The following PRICKLE4 variants were observed in gnomAD, a reference collection of about 807,000 sequenced individuals.
PRICKLE4 encodes the protein prickle-like protein 4.
PRICKLE4 carries 40 observed loss-of-function variants against 43.5 expected under a neutral mutation model. That is an observed-to-expected ratio of 0.92 (90% CI 0.71 to 1.20). The LOEUF (loss-of-function observed/expected upper bound fraction) is 1.20, where lower values mean the gene tolerates loss of function less well. Ranked by LOEUF, PRICKLE4 falls within the 50% of genes most tolerant of loss-of-function variation. PRICKLE4 has a pLI of 0.00. For synonymous variants in PRICKLE4, 208 were observed against 197.4 expected (o/e 1.05, Z -0.45); for missense variants, 527 against 491.2 (o/e 1.07, Z -0.69).
chr6:41,784,151 G>A lies in PRICKLE4; in HGVS notation c.153G>A (p.Leu51=). The stretch of plus-strand genomic sequence containing the variant: ...CTCAGGGTCCTGCAGTTCTGAGCTT[G>A]GGTTCCCTTTGCCTGGACACCAACC... ...THAQGPAVLS[L]GSLCLDTNQA... is the part of the protein sequence containing the mutation. The change falls in exon 4 of 8, where the codon TTG becomes TTA. Residue 51 remains leucine (L), a synonymous_variant. Transcript: ENST00000458694. 1.9e-6 allele frequency: 3 copies of A among 1,613,950 alleles called. No homozygotes were observed. Among genetic ancestry groups the A allele is most frequent in the Non-Finnish European group, 2.5e-6 (3 of 1,179,898 alleles).
intron 2 of PRICKLE4, 68 bp from the exon 3 acceptor site, chr6:41,783,394 G>C (rs1238360232): frequency 2.9e-6 from 4 of 1,390,604 alleles, no homozygotes; most frequent in Non-Finnish European, 3.9e-6. Context: ...TATCTATAAA[G>C]CACTTAACAC....
At chr6:41,786,001 T>C in intron 6 of PRICKLE4, 127 bp from the exon 7 acceptor site, 10 of 1,056,376 alleles carry the variant, frequency 9.5e-6, no homozygotes, top group Middle Eastern at 4.1e-4. Flanking sequence ...CAAAAGTGGC[T>C]GAGTGAATTA....
chr6:41,784,015 G>C, intron 3 of PRICKLE4, 116 bp from the exon 4 acceptor site: 1 of 755,174 alleles, frequency 1.3e-6, no homozygotes, highest in Non-Finnish European at 2.2e-6. Context: ...CCCAAATGGA[G>C]GGCATGCTTA....
chr6:41,786,672 G>T, intron 7 of PRICKLE4, 90 bp from the exon 8 acceptor site: 1 of 1,589,722 alleles, frequency 6.3e-7, no homozygotes, highest in East Asian at 2.3e-5. Flanking sequence ...GGCTGGGCGG[G>T]GCGGGAGGCT....
Position 41,785,449 on chromosome 6 carries a change from T to G in PRICKLE4, c.491T>G (p.Ile164Arg), listed in dbSNP as rs1772625927. Residue 164 changes from isoleucine to arginine, a missense_variant, in exon 6 of 8, where the codon ATA becomes AGA. Physicochemically the swap from Ile to Arg is moderately conservative, Grantham distance 97 (BLOSUM62 -3). Transcript: ENST00000458694. ...TGCCAGGCCTGTGGCCAGGCCCTGA[T>G]AAACCTCATCTACTTCTACCATGAT... ...FACQACGQAL[I>R]NLIYFYHDGQ... The G allele has an allele frequency of 6.2e-7, 1 of 1,614,140 alleles. No homozygotes were observed. The highest frequency in any genetic ancestry group is 8.5e-7 in the Non-Finnish European group (1 of 1,180,044).
chr6:41,783,103 T>G (rs957798021), intron 2 of PRICKLE4, among the ~76,000 whole-genome samples: 1 of 152,188 alleles, frequency 6.6e-6, no homozygotes, highest in Admixed American at 6.5e-5. Flanking sequence ...TTAAGGCTGA[T>G]GAGGTAAGGA....
At chr6:41,786,675 G>A (rs763996615) in intron 7 of PRICKLE4, 87 bp from the exon 8 acceptor site, 3 of 1,592,302 alleles carry the variant, frequency 1.9e-6, no homozygotes, top group East Asian at 2.3e-5. Flanking sequence ...TGGGCGGGGC[G>A]GGAGGCTGGG....
chr6:41,786,481 C>CG, intron 7 of PRICKLE4, 149 bp downstream of exon 7: 1 of 1,073,442 alleles, frequency 9.3e-7, no homozygotes, highest in Non-Finnish European at 1.4e-6. Flanking sequence ...CCTCGGGGCC[C>CG]GCAGCTCTCA....
In PRICKLE4 at chr6:41,784,771, GCTC is replaced by G; in HGVS notation, c.241-161_241-159del. 5.4e-6 allele frequency: 5 copies of G among 919,608 alleles called. No individual in the cohort carries two copies. In the South Asian group the frequency reaches 8.3e-5, roughly 15 times the overall value. 57.0% of individuals were successfully genotyped at this position (919,608 alleles called of 1,614,324 possible). A position where few individuals can be genotyped will look rare whatever the true frequency, so the allele number is the denominator to read the frequency against. ...GGTGAGACTGAGGTGGCTTTCTTGA[GCTC>G]CTTTCCTTTTCCATTTCCTCTTCTA... On this transcript the variant is annotated intron_variant, in intron 4 of 7. Coordinates refer to ENST00000458694, the MANE Select transcript of PRICKLE4 (RefSeq NM_013397.6).
rs1772552517 is a variant in PRICKLE4 at position 41,781,449 on chromosome 6, T to A, written c.-84T>A. On this transcript the variant is annotated 5_prime_UTR_variant, in exon 2 of 8. Coordinates refer to ENST00000458694, the MANE Select transcript of PRICKLE4 (RefSeq NM_013397.6). ...GGGCAGTGCTGTTAGTGGCTACTCC[T>A]GGTGTGAACAGCCCATCCTGGCCAC... The A allele has an allele frequency of 1.3e-5, 2 of 152,752 alleles. No individual in the cohort carries two copies. Among genetic ancestry groups the A allele is most frequent in the Admixed American group, 6.5e-5 (1 of 15,282 alleles). 9.5% of individuals were successfully genotyped at this position (152,752 alleles called of 1,614,324 possible).
intron 7 of PRICKLE4, 97 bp from the exon 8 acceptor site, chr6:41,786,665 T>C: frequency 6.3e-7 from 1 of 1,582,410 alleles, no homozygotes; most frequent in Non-Finnish European, 8.6e-7. Context: ...GCCCAGGGGC[T>C]GGGCGGGGCG....
chr6:41,786,265 C>T lies in PRICKLE4; in HGVS notation c.720C>T (p.Cys240=). The stretch of plus-strand genomic sequence containing the variant: ...GGGGAAGCCCCTGCTGCCCCAGCTG[C>T]TTCGAGAACCGCTACTCGGATGCAG... The part of the protein sequence containing the change: ...LPGGSPCCPS[C]FENRYSDAGS... Residue 240 remains cysteine, a synonymous_variant, in exon 7 of 8, where the codon TGC becomes TGT. Transcript: ENST00000458694. The T allele has an allele frequency of 6.3e-7, 1 of 1,599,554 alleles. No homozygotes were observed.
In PRICKLE4 at chr6:41,783,564, GGC is replaced by G; in HGVS notation, c.92_93del (p.Gly31AlafsTer8). The G allele has an allele frequency of 6.2e-7, 1 of 1,613,736 alleles. No individual in the cohort carries two copies. Among genetic ancestry groups the G allele is most frequent in the Non-Finnish European group, 8.5e-7 (1 of 1,179,896 alleles). On this transcript the variant is annotated frameshift_variant, in exon 3 of 8. Coordinates refer to ENST00000458694, the MANE Select transcript of PRICKLE4 (RefSeq NM_013397.6). LOFTEE classifies it high-confidence loss of function. ...ACCAGCCAACTCAGACAGTGACTCA[GGC>G]CACCTGCCGGGGGAGGACCCTGAGG... is the stretch of plus-strand genomic sequence containing the variant. ...GPPANSDSDS[G>X]HLPGEDPEDT...
rs1772679317 is a variant in PRICKLE4, at chr6:41,787,180, CG to C, written c.*54del. ...AGTGGGAGGAAAGGGGTCTGTAAAGCGGGAGAACAAGGCTAGCCTCCCCCTA... is the reference window on the plus strand; with the variant it reads ...AGTGGGAGGAAAGGGGTCTGTAAAGCGGAGAACAAGGCTAGCCTCCCCCTA... On this transcript the variant is annotated 3_prime_UTR_variant, in exon 8 of 8. Transcript: ENST00000458694. 1.3e-6 allele frequency: 2 copies of C among 1,532,048 alleles called. No homozygotes were observed. The highest frequency in any genetic ancestry group is 4.5e-5 in the East Asian group (2 of 44,256). 94.9% of individuals were successfully genotyped at this position (1,532,048 alleles called of 1,614,324 possible).
At chr6:41,783,806 C>T (rs999394392) in intron 3 of PRICKLE4, 4 of 814,348 alleles carry the variant, frequency 4.9e-6, no homozygotes, top group Admixed American at 2.0e-5. Flanking sequence ...TATTCATTAT[C>T]TCTCCTAGGG....
intron 6 of PRICKLE4, 115 bp downstream of exon 6, chr6:41,785,655 G>T: frequency 8.7e-7 from 1 of 1,148,078 alleles, no homozygotes. Context: ...GGGAGAAGTA[G>T]GAACCAGCCT....
chr6:41,784,894 G>C (rs1481711894), intron 4 of PRICKLE4, 41 bp from the exon 5 acceptor site: 4 of 1,609,988 alleles, frequency 2.5e-6, no homozygotes, highest in East Asian at 2.2e-5. Flanking sequence ...AATGTTTTCT[G>C]CTGGAGCTCT....
rs776520269 is a variant in PRICKLE4 at position 41,786,554 on chromosome 6, G to C, written c.788-208G>C. 1.8e-5 allele frequency: 19 copies of C among 1,045,030 alleles called. No individual in the cohort carries two copies. In the South Asian group the frequency reaches 2.6e-4, roughly 14 times the overall value. 64.7% of individuals were successfully genotyped at this position (1,045,030 alleles called of 1,614,324 possible). ...GAACCCACCCCGCGCCGCGGTCGGGGTTGCGGCGCCAGACTCCCTCCCAGG... is the reference window on the plus strand; with the variant it reads ...GAACCCACCCCGCGCCGCGGTCGGGCTTGCGGCGCCAGACTCCCTCCCAGG... On this transcript the variant is annotated intron_variant, in intron 7 of 7. Transcript: ENST00000458694.
chr6:41,784,677 C>A (rs1772610740), intron 4 of PRICKLE4: 1 of 543,026 alleles, frequency 1.8e-6, no homozygotes, highest in South Asian at 2.3e-5. Context: ...GGAACAAGGA[C>A]CTAATGGTGA....
Sources: gnomAD v4.1 joint callset for allele counts (sites outside exome capture counted in the v4.1 genomes callset) on GRCh38, gnomAD v4.1.1 for gene constraint, MANE v1.5 for transcripts, NCBI Gene and HGNC (gene_info 2026-07-23, HGNC 2026-07-21) for gene names.